Variants in SAMD3 observed in about 807,000 individuals in gnomAD.
SAMD3 encodes the protein sterile alpha motif domain-containing protein 3.
In SAMD3, 63 loss-of-function variants were observed where a neutral mutation model predicts 58.5. The ratio of observed to expected loss-of-function variants is 1.08; its 90% CI spans 0.88 to 1.33. The LOEUF is 1.33. SAMD3 is among the 40% of genes most tolerant of loss of function. The pLI is 0.00. For synonymous variants in SAMD3, 220 were observed against 210.3 expected (o/e 1.05, Z -0.40); for missense variants, 604 against 608.4 (o/e 0.99, Z 0.08).
At chr6:130,265,306 C>T (rs977205515) in intron 2 of SAMD3, among the ~76,000 whole-genome samples, 5 of 152,172 alleles carry the variant, frequency 3.3e-5, no homozygotes, top group East Asian at 1.9e-4. Flanking sequence ...GAGAGCTGTA[C>T]GTGGATGGGA....
At chr6:130,229,028 G>A (rs559959337) in intron 2 of SAMD3, among the ~76,000 whole-genome samples, 219 of 152,336 alleles carry the variant, frequency 1.4e-3, no homozygotes, top group Admixed American at 2.8e-3. Context: ...AAGACAGGAG[G>A]ACTTCCCTAG....
chr6:130,302,276 C>A (rs79348221), intron 2 of SAMD3, among the ~76,000 whole-genome samples: 6,073 of 152,038 alleles, frequency 0.04, 380 homozygotes, highest in African/African-American at 0.14. Context: ...AGGACATGAA[C>A]AAAGATTTCT....
intron 2 of SAMD3, among the ~76,000 whole-genome samples, chr6:130,240,837 G>A (rs548835754): frequency 3.9e-5 from 6 of 152,188 alleles, no homozygotes; most frequent in Admixed American, 2.0e-4. Flanking sequence ...TAGACTTCCC[G>A]GCCTCAGAAT....
chr6:130,179,385 T>C (rs748729350), intron 7 of SAMD3, among the ~76,000 whole-genome samples: 10 of 152,134 alleles, frequency 6.6e-5, no homozygotes, highest in Non-Finnish European at 1.2e-4. Flanking sequence ...TGTAGAAAGT[T>C]CTACATGAAG....
downstream of SAMD3, chr6:130,144,098 A>G (rs1462967074): frequency 6.1e-6 from 1 of 163,420 alleles, no homozygotes; most frequent in Non-Finnish European, 1.3e-5. Context: ...GTTCAATGCA[A>G]GTTCAAAATG....
chr6:130,194,814 G>A (rs1248354617), intron 5 of SAMD3, among the ~76,000 whole-genome samples: 1 of 152,222 alleles, frequency 6.6e-6, no homozygotes, highest in Non-Finnish European at 1.5e-5. Flanking sequence ...AGCAGCTGAA[G>A]ACTGACACTG....
intron 5 of SAMD3, among the ~76,000 whole-genome samples, chr6:130,193,464 T>C (rs996574936): frequency 6.6e-6 from 1 of 151,952 alleles, no homozygotes; most frequent in Non-Finnish European, 1.5e-5. Flanking sequence ...CTCTTATCTC[T>C]GTGCCCCAAC....
chr6:130,168,205 G>A (rs919987039), intron 8 of SAMD3, among the ~76,000 whole-genome samples: 2 of 152,156 alleles, frequency 1.3e-5, no homozygotes, highest in Admixed American at 1.3e-4. Context: ...AGGCCAAGGT[G>A]GGCGGATCAC....
At chr6:130,183,410 C>G (rs1055958122) in intron 7 of SAMD3, 38 of 452,548 alleles carry the variant, frequency 8.4e-5, no homozygotes, top group African/African-American at 7.7e-4. Flanking sequence ...TTTATCAGGA[C>G]AGAAAGCAGA....
At chr6:130,184,250 T>C (rs1229010327) in intron 6 of SAMD3, 63 bp from the exon 7 acceptor site, 4 of 1,359,464 alleles carry the variant, frequency 2.9e-6, no homozygotes, top group Non-Finnish European at 4.1e-6. Context: ...TCCTTTAAGA[T>C]GAGTCTAATT....
intron 1 of SAMD3, among the ~76,000 whole-genome samples, chr6:130,357,408 G>A (rs1462878126): frequency 6.6e-6 from 1 of 152,026 alleles, no homozygotes. Flanking sequence ...ACAGGCGTGA[G>A]CCACCACACC....
chr6:130,183,341 A>G (rs770828194), intron 7 of SAMD3: 1 of 450,662 alleles, frequency 2.2e-6, no homozygotes, highest in Non-Finnish European at 4.4e-6. Context: ...CGTCTCAAAA[A>G]AAAAAAAAGG....
chr6:130,246,455 A>G (rs1223537440), intron 2 of SAMD3, among the ~76,000 whole-genome samples: 1 of 152,198 alleles, frequency 6.6e-6, no homozygotes, highest in African/African-American at 2.4e-5. Flanking sequence ...CTAAAGACCA[A>G]GAAAAACTGA....
chr6:130,352,216 T>C (rs886154598), intron 1 of SAMD3, among the ~76,000 whole-genome samples: 49 of 151,934 alleles, frequency 3.2e-4, no homozygotes, highest in African/African-American at 1.1e-3. Context: ...AGTATAATAA[T>C]AAATAACATA....
At chr6:130,296,552 G>T (rs897590124) in intron 2 of SAMD3, among the ~76,000 whole-genome samples, 6 of 152,156 alleles carry the variant, frequency 3.9e-5, no homozygotes, top group Non-Finnish European at 7.3e-5. Flanking sequence ...TCCCACCGGG[G>T]GCCAGAGCAC....
intron 8 of SAMD3, among the ~76,000 whole-genome samples, chr6:130,169,688 GAA>G (rs547274893): frequency 6.6e-6 from 1 of 152,130 alleles, no homozygotes; most frequent in African/African-American, 2.4e-5. Flanking sequence ...GGCTAGAAAG[GAA>G]AAACCACGAA....
At chr6:130,275,481 T>A (rs1425846949) in intron 2 of SAMD3, among the ~76,000 whole-genome samples, 2 of 152,188 alleles carry the variant, frequency 1.3e-5, no homozygotes, top group Non-Finnish European at 2.9e-5. Flanking sequence ...TACACTGAAC[T>A]TTGGAGGAAT....
In SAMD3 at chr6:130,358,442, C is replaced by T. The variant is rs1199388405; in HGVS notation, c.-304+6678G>A. Among the ~76,000 whole-genome samples, 4 of 152,102 alleles carry T rather than the reference C, an allele frequency of 2.6e-5. No homozygotes were observed. In the South Asian group the frequency reaches 8.3e-4, roughly 32 times the overall value. ...TAAATTTGTTGTTGTGTGTACATGT[C>T]AGGAAAGTTCTGAAAATGTGAAGGT... On this transcript the variant is annotated intron_variant, in intron 1 of 13. Coordinates refer to the SAMD3 transcript ENST00000368134.
At chr6:130,269,678 AT>A (rs1774490148) in intron 2 of SAMD3, among the ~76,000 whole-genome samples, 1 of 150,456 alleles carries the variant, frequency 6.6e-6, no homozygotes, top group African/African-American at 2.4e-5. Flanking sequence ...ACTTTTTTTC[AT>A]TGACTGTCTC....
Sources: allele counts gnomAD v4.1 joint callset (sites outside exome capture counted in the v4.1 genomes callset), GRCh38; gene constraint gnomAD v4.1.1; transcripts MANE v1.5; gene names NCBI Gene and HGNC (gene_info 2026-07-23, HGNC 2026-07-21).